Variants in CSGALNACT1 observed in about 807,000 individuals in gnomAD.
The protein encoded by CSGALNACT1 is chondroitin sulfate N-acetylgalactosaminyltransferase 1.
CSGALNACT1 carries 52 observed loss-of-function variants against 51.0 expected under a neutral mutation model. The observed-to-expected ratio is 1.02, with a 90% CI of 0.82 to 1.29. The LOEUF (loss-of-function observed/expected upper bound fraction) is 1.29, where lower values mean the gene tolerates loss of function less well. CSGALNACT1 is among the 50% of genes most tolerant of loss of function. CSGALNACT1 has a pLI of 0.00. For missense variants in CSGALNACT1, 935 were observed against 679.2 expected (o/e 1.38, Z -4.19); for synonymous variants, 341 against 254.4 (o/e 1.34, Z -3.24).
chr8:19,676,534 A>G (rs912596854), intron 1 of CSGALNACT1, among the ~76,000 whole-genome samples: 19 of 152,236 alleles, frequency 1.2e-4, no homozygotes, highest in African/African-American at 4.1e-4. Flanking sequence ...ACAAAGAATA[A>G]AGACTGAACG....
At chr8:19,710,655 A>AT in intron 1 of CSGALNACT1, among the ~76,000 whole-genome samples, 1 of 152,342 alleles carries the variant, frequency 6.6e-6, no homozygotes, top group East Asian at 1.9e-4. Flanking sequence ...GGAAAAAAAA[A>AT]GAAATGAGAA....
At chr8:19,484,926 G>GTGGGTGGTCCTC in intron 4 of CSGALNACT1, among the ~76,000 whole-genome samples, 1 of 152,190 alleles carries the variant, frequency 6.6e-6, no homozygotes, top group Admixed American at 6.5e-5. Context: ...CCTCACTGAG[G>GTGGGTGGTCCTC]ACACAGTGAG....
At chr8:19,734,790 T>A (rs34347433) in intron 1 of CSGALNACT1, among the ~76,000 whole-genome samples, 1 of 151,990 alleles carries the variant, frequency 6.6e-6, no homozygotes, top group Non-Finnish European at 1.5e-5. Context: ...ATAAAGTTAC[T>A]GAATGTCAAA....
chr8:19,530,136 G>A (rs112670714), intron 3 of CSGALNACT1, among the ~76,000 whole-genome samples: 2 of 151,960 alleles, frequency 1.3e-5, no homozygotes, highest in African/African-American at 4.8e-5. Context: ...CATGAAAATT[G>A]CATGAACCCA....
At chr8:19,421,678 C>T (rs187281996) in intron 6 of CSGALNACT1, among the ~76,000 whole-genome samples, 8 of 152,338 alleles carry the variant, frequency 5.3e-5, no homozygotes, top group East Asian at 1.9e-4. Context: ...TAAAGGCCAA[C>T]GCAAACATAG....
chr8:19,750,943 A>G (rs180896617), intron 1 of CSGALNACT1, among the ~76,000 whole-genome samples: 2 of 152,254 alleles, frequency 1.3e-5, no homozygotes, highest in African/African-American at 2.4e-5. Flanking sequence ...GTTGCTCTAC[A>G]TTGCATTTTT....
chr8:19,460,963 T>A (rs1291435880), intron 4 of CSGALNACT1, among the ~76,000 whole-genome samples: 1 of 152,100 alleles, frequency 6.6e-6, no homozygotes, highest in African/African-American at 2.4e-5. Flanking sequence ...CCTGCTGTCC[T>A]CACAGCCCCA....
intron 6 of CSGALNACT1, among the ~76,000 whole-genome samples, chr8:19,436,046 T>TG (rs2153738902): frequency 6.6e-6 from 1 of 152,272 alleles, no homozygotes; most frequent in African/African-American, 2.4e-5. Context: ...AATCACAAAC[T>TG]GGTGTTTGCA....
chr8:19,419,228 C>T (rs2057468474), intron 7 of CSGALNACT1, among the ~76,000 whole-genome samples: 1 of 152,312 alleles, frequency 6.6e-6, no homozygotes, highest in East Asian at 1.9e-4. Flanking sequence ...ACAGTCATAT[C>T]TGCAAATATT....
intron 1 of CSGALNACT1, among the ~76,000 whole-genome samples, chr8:19,699,921 G>C (rs2061770401): frequency 6.6e-6 from 1 of 152,066 alleles, no homozygotes; most frequent in African/African-American, 2.4e-5. Flanking sequence ...GACCAGCCTG[G>C]CCAACATGAT....
At chr8:19,568,469 T>A (rs1486824459) in intron 3 of CSGALNACT1, among the ~76,000 whole-genome samples, 1 of 152,140 alleles carries the variant, frequency 6.6e-6, no homozygotes, top group Non-Finnish European at 1.5e-5. Context: ...TCTGATCAGA[T>A]GGGTGCAATA....
chr8:19,674,369 G>A (rs2060013226), intron 1 of CSGALNACT1, among the ~76,000 whole-genome samples: 2 of 152,232 alleles, frequency 1.3e-5, no homozygotes, highest in African/African-American at 2.4e-5. Context: ...AGGAATGGAG[G>A]TGGTATCTCA....
intron 1 of CSGALNACT1, among the ~76,000 whole-genome samples, chr8:19,666,703 A>T (rs1282082679): frequency 6.7e-6 from 1 of 148,940 alleles, no homozygotes; most frequent in Non-Finnish European, 1.5e-5. Context: ...CCCGGGAGAG[A>T]AAGAGAGAAA....
At chr8:19,672,126 C>A (rs1382532151) in intron 1 of CSGALNACT1, among the ~76,000 whole-genome samples, 1 of 152,198 alleles carries the variant, frequency 6.6e-6, no homozygotes, top group African/African-American at 2.4e-5. Context: ...GCAATGTGCT[C>A]AGATTCTTTG....
intron 1 of CSGALNACT1, among the ~76,000 whole-genome samples, chr8:19,628,693 G>A (rs2975409): frequency 0.11 from 16,336 of 151,836 alleles, 1,090 homozygotes; most frequent in Non-Finnish European, 0.16. Flanking sequence ...TGCTGCCCAG[G>A]CTAGTCCTGA....
chr8:19,685,301 G>C (rs574574720), upstream of CSGALNACT1, among the ~76,000 whole-genome samples: 1 of 152,240 alleles, frequency 6.6e-6, no homozygotes, highest in Admixed American at 6.5e-5. Context: ...ATCAGCCCAG[G>C]AGTTTGAGAC....
At chr8:19,418,161 C>T (rs978333941) in intron 8 of CSGALNACT1, among the ~76,000 whole-genome samples, 11 of 152,124 alleles carry the variant, frequency 7.2e-5, no homozygotes, top group Admixed American at 2.6e-4. Context: ...GGGAAGGGAA[C>T]GGTGGCATGA....
chr8:19,645,013 A>G (rs1240066095), intron 1 of CSGALNACT1, among the ~76,000 whole-genome samples: 1 of 152,194 alleles, frequency 6.6e-6, no homozygotes, highest in East Asian at 1.9e-4. Flanking sequence ...TTTGATAAAA[A>G]TGAAAGGATC....
intron 6 of CSGALNACT1, among the ~76,000 whole-genome samples, chr8:19,433,807 T>A (rs1311223676): frequency 1.3e-5 from 2 of 152,236 alleles, no homozygotes; most frequent in Non-Finnish European, 2.9e-5. Context: ...TCTTCAGGTA[T>A]CATTAGTATT....
Sources: gnomAD v4.1 joint callset for allele counts (sites outside exome capture counted in the v4.1 genomes callset) on GRCh38, gnomAD v4.1.1 for gene constraint, MANE v1.5 for transcripts, NCBI Gene and HGNC (gene_info 2026-07-23, HGNC 2026-07-21) for gene names.